ACOT11: variants seen among roughly 807,000 people sequenced by gnomAD.
ACOT11 encodes the protein acyl-coenzyme A thioesterase 11.
Under a neutral mutation model 77.5 loss-of-function variants are expected in ACOT11, and 69 were observed. The ratio of observed to expected loss-of-function variants is 0.89; its 90% CI spans 0.73 to 1.09. The LOEUF (loss-of-function observed/expected upper bound fraction) is 1.09. Among genes scored for constraint, ACOT11 ranks in the 50% least tolerant of loss-of-function variants. The pLI is 0.00. For missense variants in ACOT11, 766 were observed against 813.7 expected (o/e 0.94, Z 0.71); for synonymous variants, 279 against 313.0 (o/e 0.89, Z 1.15).
In ACOT11 at chr1:54,610,289, A is replaced by G. The variant is rs1644103010; in HGVS notation, c.*1177A>G. On this transcript the variant is annotated 3_prime_UTR_variant, in exon 16 of 16. Transcript: ENST00000343744. ...TCCCCGCAACCCTGCCCCACCTTGC[A>G]TCCAGGGTATGGTGTAAATAAACCT... The G allele has an allele frequency of 6.6e-7, 1 of 1,514,900 alleles. No individual in the cohort carries two copies. Among genetic ancestry groups the G allele is most frequent in the South Asian group, 1.3e-5 (1 of 76,002 alleles). The allele number at this position is 1,514,900 out of a possible 1,614,324, so 93.8% of individuals were successfully genotyped here.
intron 1 of ACOT11, among the ~76,000 whole-genome samples, chr1:54,570,142 C>T (rs750372683): frequency 6.6e-6 from 1 of 152,332 alleles, no homozygotes; most frequent in South Asian, 2.1e-4. Flanking sequence ...CCATTTCCCT[C>T]ATGAGGTGTC....
intron 1 of ACOT11, among the ~76,000 whole-genome samples, chr1:54,563,280 C>G (rs1220053798): frequency 6.6e-6 from 1 of 152,232 alleles, no homozygotes; most frequent in African/African-American, 2.4e-5. Flanking sequence ...AGCCACTGCA[C>G]CCAGCTTAAG....
rs1557667998 is a variant in ACOT11, at chr1:54,609,520, C to A, written c.*408C>A. Reference sequence around the variant, plus strand: ...GGAAGGACACAGGTTGCCAGAGCCCCTGGCACAACTCTAGCATATCTGTGA... The same window carrying A: ...GGAAGGACACAGGTTGCCAGAGCCCATGGCACAACTCTAGCATATCTGTGA... On this transcript the variant is annotated 3_prime_UTR_variant, in exon 16 of 16. Coordinates refer to ENST00000343744, the MANE Select transcript of ACOT11 (RefSeq NM_147161.4). The A allele has an allele frequency of 6.2e-7, 1 of 1,613,156 alleles. No individual in the cohort carries two copies. The highest frequency in any genetic ancestry group is 2.2e-5 in the East Asian group (1 of 44,882).
rs1569619925 is a variant in ACOT11, at chr1:54,548,457, C to G, written c.33+115C>G. 5.4e-6 allele frequency: 7 copies of G among 1,286,356 alleles called. No individual in the cohort carries two copies. In the East Asian group the frequency reaches 1.8e-4, roughly 33 times the overall value. The allele number at this position is 1,286,356 out of a possible 1,614,324, so 79.7% of individuals were successfully genotyped here. On this transcript the variant is annotated intron_variant, in intron 1 of 15. Transcript: ENST00000343744. ...GCATCTCCTCACACTCTCCACGGGC[C>G]ATTTTCTAGCTCTCTTTGGAAGGAG...
chr1:54,614,384 A>G (rs1287045974), downstream of ACOT11, among the ~76,000 whole-genome samples: 4 of 151,772 alleles, frequency 2.6e-5, no homozygotes, highest in East Asian at 7.8e-4. Context: ...TGACAAATCT[A>G]TGAACACCCA....
downstream of ACOT11, among the ~76,000 whole-genome samples, chr1:54,614,362 A>G (rs1312371319): frequency 6.6e-6 from 1 of 152,110 alleles, no homozygotes; most frequent in Non-Finnish European, 1.5e-5. Flanking sequence ...CAGGAGTTCA[A>G]TGTAGTAGGG....
chr1:54,597,520 G>T lies in ACOT11; in HGVS notation c.764+105G>T, dbSNP rs186785371. 5.2e-6 allele frequency: 7 copies of T among 1,357,880 alleles called. No homozygotes were observed. The African/African-American group carries it at 1.0e-4, about 20-fold the overall frequency. 84.1% of individuals were successfully genotyped at this position (1,357,880 alleles called of 1,614,324 possible). On this transcript the variant is annotated intron_variant, in intron 7 of 15. Coordinates refer to ENST00000343744, the MANE Select transcript of ACOT11 (RefSeq NM_147161.4). ...CCCCAGCTTGGGGTTGGCATTCAAG[G>T]CTTCAGAAGCTTGGCTGTTCTGAAT...
chr1:54,628,092 T>C (rs1569814207), intron 15 of ACOT11: 1 of 132,098 alleles, frequency 7.6e-6, no homozygotes, highest in African/African-American at 2.6e-5. Flanking sequence ...GAGGCTGGAG[T>C]TGAGAAATGG....
At chr1:54,599,489 C>T in intron 8 of ACOT11, 74 bp downstream of exon 8, 1 of 1,413,112 alleles carries the variant, frequency 7.1e-7, no homozygotes, top group Admixed American at 2.0e-5. Context: ...AAGGACCCTA[C>T]TTCAAACTGT....
intron 15 of ACOT11, among the ~76,000 whole-genome samples, chr1:54,615,392 C>T (rs1644162186): frequency 6.6e-6 from 1 of 151,998 alleles, no homozygotes; most frequent in Non-Finnish European, 1.5e-5. Context: ...CAATGGGGAG[C>T]CACGGAGGGT....
At chr1:54,592,497 C>A in intron 3 of ACOT11, 49 bp from the exon 4 acceptor site, 1 of 1,569,672 alleles carries the variant, frequency 6.4e-7, no homozygotes, top group Non-Finnish European at 8.7e-7. Flanking sequence ...GCCCCTGTTC[C>A]TCCCTCTGGC....
intron 12 of ACOT11, among the ~76,000 whole-genome samples, 154 bp from the exon 13 acceptor site, chr1:54,604,922 G>A (rs954205732): frequency 1.3e-4 from 20 of 152,134 alleles, no homozygotes; most frequent in African/African-American, 4.1e-4. Flanking sequence ...TTCATAATTC[G>A]TGGGGATGCA....
chr1:54,608,987 G>A lies in ACOT11; in HGVS notation c.1660G>A (p.Val554Ile), dbSNP rs1387756071. 7 of 1,613,966 alleles carry A rather than the reference G, an allele frequency of 4.3e-6. No individual in the cohort carries two copies. The Admixed American group carries it at 8.3e-5, about 19-fold the overall frequency. The change falls in exon 16 of 16, where the codon GTT (valine) becomes ATT (isoleucine). Residue 554 changes from valine to isoleucine, a missense_variant. Physicochemically the swap from Val to Ile is conservative, Grantham distance 29. Coordinates refer to ENST00000343744, the MANE Select transcript of ACOT11 (RefSeq NM_147161.4). ...CTACTACAACCAGGCCACCCCAGGT[G>A]TTCTCAACTATGTGACCACCAACGT... ...VSYYNQATPG[V>I]LNYVTTNVAG...
chr1:54,604,784 G>A (rs1001183796), intron 12 of ACOT11, among the ~76,000 whole-genome samples: 2 of 152,168 alleles, frequency 1.3e-5, no homozygotes, highest in Non-Finnish European at 2.9e-5. Flanking sequence ...CCAGCTGCCT[G>A]TTCCCCTAGA....
chr1:54,589,375 C>T (rs1275444194), intron 3 of ACOT11, among the ~76,000 whole-genome samples: 1 of 148,240 alleles, frequency 6.7e-6, no homozygotes, highest in Non-Finnish European at 1.5e-5. Flanking sequence ...ATCATTACCA[C>T]ATCTAAAAAA....
Position 54,609,883 on chromosome 1 carries a change from G to C in ACOT11, c.*771G>C. 1 of 1,613,062 alleles carries C rather than the reference G, an allele frequency of 6.2e-7. No individual in the cohort carries two copies. The highest frequency in any genetic ancestry group is 8.5e-7 in the Non-Finnish European group (1 of 1,179,992). ...CACTTGGAGTATGAACAATGGGCAC[G>C]GGGTTTTCAGCCACAGTTCCCTCGA... On this transcript the variant is annotated 3_prime_UTR_variant, in exon 16 of 16. Transcript: ENST00000343744.
At chr1:54,564,300 T>G (rs923172579) in intron 1 of ACOT11, among the ~76,000 whole-genome samples, 1 of 152,198 alleles carries the variant, frequency 6.6e-6, no homozygotes, top group Non-Finnish European at 1.5e-5. Flanking sequence ...GTGCACAGCT[T>G]TACGTCGTCT....
At chr1:54,582,483 A>C in intron 1 of ACOT11, 1 of 985,412 alleles carries the variant, frequency 1.0e-6, no homozygotes, top group Non-Finnish European at 1.2e-6. Flanking sequence ...GAACAAATGA[A>C]CCAGTGAGCA....
Position 54,607,815 on chromosome 1 carries a change from G to A in ACOT11, c.1503-127G>A. 1.5e-6 allele frequency: 2 copies of A among 1,293,486 alleles called. No homozygotes were observed. Among genetic ancestry groups the A allele is most frequent in the Non-Finnish European group, 2.1e-6 (2 of 933,756 alleles). 80.1% of individuals were successfully genotyped at this position (1,293,486 alleles called of 1,614,324 possible). ...GCATTGGGGCTTTAAGAGTCGATGTGCCTTGCATCCCCCTGGTGAGGAATC... is the reference window on the plus strand; with the variant it reads ...GCATTGGGGCTTTAAGAGTCGATGTACCTTGCATCCCCCTGGTGAGGAATC... On this transcript the variant is annotated intron_variant, in intron 14 of 15. Transcript: ENST00000343744. The surrounding 1 kb of genome is among the most constrained non-coding windows in gnomAD (Gnocchi z 4.5).
Sources: allele counts gnomAD v4.1 joint callset (sites outside exome capture counted in the v4.1 genomes callset), GRCh38; gene constraint gnomAD v4.1.1; non-coding constraint Gnocchi (gnomAD v3.1); transcripts MANE v1.5; gene names NCBI Gene and HGNC (gene_info 2026-07-23, HGNC 2026-07-21).